Variants in CADM2 observed in about 807,000 individuals in gnomAD.
The protein encoded by CADM2 is immunoglobulin superfamily member 4D.
A neutral mutation model predicts 49.8 loss-of-function variants in CADM2; 12 were observed. The ratio of observed to expected loss-of-function variants is 0.24; its 90% confidence interval spans 0.15 to 0.39. The LOEUF (loss-of-function observed/expected upper bound fraction) is 0.39, where lower values mean the gene tolerates loss of function less well. Among genes scored for constraint, CADM2 ranks in the 10% least tolerant of loss-of-function variants. The pLI, the probability that CADM2 is intolerant of heterozygous loss-of-function variation, is 1.00. For missense variants in CADM2, 378 were observed against 492.3 expected (o/e 0.77, Z 2.20); for synonymous variants, 214 against 175.4 (o/e 1.22, Z -1.74).
chr3:85,647,844 A>G (rs1026677071), intron 1 of CADM2, among the ~76,000 whole-genome samples: 2 of 151,836 alleles, frequency 1.3e-5, no homozygotes, highest in East Asian at 1.9e-4. Context: ...ATTTCTCTAG[A>G]CAACAAAAAT....
intron 5 of CADM2, among the ~76,000 whole-genome samples, chr3:85,888,915 T>C (rs1041557182): frequency 1.3e-5 from 2 of 152,166 alleles, no homozygotes; most frequent in African/African-American, 4.8e-5. Context: ...TATTACTATC[T>C]AACTGTTTTT....
intron 3 of CADM2, among the ~76,000 whole-genome samples, chr3:85,863,969 A>G (rs958510148): frequency 9.2e-5 from 14 of 152,118 alleles, no homozygotes; most frequent in African/African-American, 3.4e-4. Flanking sequence ...TGTGTGGAAT[A>G]TGGAAGGGCT....
chr3:85,166,944 TCAAC>T (rs555428737), intron 1 of CADM2, among the ~76,000 whole-genome samples: 21 of 151,994 alleles, frequency 1.4e-4, no homozygotes, highest in Non-Finnish European at 2.8e-4. Flanking sequence ...AAACAAATGT[TCAAC>T]CAAGAAAAAA....
At chr3:85,016,789 T>C (rs1401600447) in intron 1 of CADM2, among the ~76,000 whole-genome samples, 1 of 144,640 alleles carries the variant, frequency 6.9e-6, no homozygotes, top group African/African-American at 2.7e-5. Context: ...CAAGTCTCCA[T>C]CTAAAAAAAA....
intron 2 of CADM2, among the ~76,000 whole-genome samples, chr3:85,797,223 A>AT (rs1389206339): frequency 1.3e-5 from 2 of 151,860 alleles, no homozygotes; most frequent in Admixed American, 6.6e-5. Flanking sequence ...GAAACTTGTT[A>AT]TTTTTTGGAT....
At chr3:85,476,360 T>C (rs968779415) in intron 1 of CADM2, among the ~76,000 whole-genome samples, 15 of 151,942 alleles carry the variant, frequency 9.9e-5, no homozygotes, top group African/African-American at 3.6e-4. Context: ...TGTTAGAGTT[T>C]AGCACCCCAT....
At chr3:86,052,809 T>C (rs1005004872) in intron 8 of CADM2, among the ~76,000 whole-genome samples, 1 of 152,166 alleles carries the variant, frequency 6.6e-6, no homozygotes, top group Non-Finnish European at 1.5e-5. Flanking sequence ...ATAGAAAGAT[T>C]AATTACTGTT....
intron 1 of CADM2, among the ~76,000 whole-genome samples, chr3:85,113,636 G>GT (rs1217482952): frequency 1.3e-5 from 2 of 149,974 alleles, no homozygotes; most frequent in African/African-American, 4.9e-5. Context: ...ACTTCTAAAT[G>GT]TAATTAAAGC....
chr3:85,080,487 C>T (rs1214493919), intron 1 of CADM2, among the ~76,000 whole-genome samples: 1 of 151,998 alleles, frequency 6.6e-6, no homozygotes, highest in African/African-American at 2.4e-5. Flanking sequence ...ATACATTATA[C>T]ATCATATAAT....
chr3:85,439,110 G>A (rs536452349), intron 1 of CADM2, among the ~76,000 whole-genome samples: 1 of 151,014 alleles, frequency 6.6e-6, no homozygotes, highest in African/African-American at 2.4e-5. Context: ...TATTTTGAAA[G>A]GATAAAAGAA....
intron 1 of CADM2, among the ~76,000 whole-genome samples, chr3:85,157,889 C>G (rs1358332038): frequency 6.6e-6 from 1 of 152,220 alleles, no homozygotes; most frequent in Non-Finnish European, 1.5e-5. Flanking sequence ...AAACTACCAT[C>G]AGAGTGAACA....
At chr3:85,319,190 T>C (rs2107092905) in intron 1 of CADM2, among the ~76,000 whole-genome samples, 1 of 152,324 alleles carries the variant, frequency 6.6e-6, no homozygotes, top group South Asian at 2.1e-4. Flanking sequence ...CCTAATTTTT[T>C]AACCTCTTGA....
At chr3:85,598,897 T>G (rs2063322650) in intron 1 of CADM2, among the ~76,000 whole-genome samples, 1 of 151,794 alleles carries the variant, frequency 6.6e-6, no homozygotes, top group Non-Finnish European at 1.5e-5. Context: ...CACATAGACA[T>G]ATATATCTTT....
intron 1 of CADM2, among the ~76,000 whole-genome samples, chr3:85,555,489 T>C (rs1185249672): frequency 6.6e-6 from 1 of 152,148 alleles, no homozygotes; most frequent in African/African-American, 2.4e-5. Context: ...ATTTCATTGG[T>C]TTAATTTAAA....
chr3:85,533,719 T>G (rs1309028924), intron 1 of CADM2, among the ~76,000 whole-genome samples: 1 of 152,130 alleles, frequency 6.6e-6, no homozygotes, highest in East Asian at 1.9e-4. Context: ...AGTGGAAAGT[T>G]ATTAGCTAGA....
At position 85,257,951 on chromosome 3, in the gene CADM2, G is replaced by A. The variant is rs1350012392; in HGVS notation, c.61+298283G>A. Among the ~76,000 whole-genome samples the A allele has an allele frequency of 6.6e-5, 10 of 152,182 alleles. No individual in the cohort carries two copies. In the East Asian group the frequency reaches 1.9e-3, roughly 29 times the overall value. On this transcript the variant is annotated intron_variant, in intron 1 of 9. Coordinates refer to ENST00000383699, the MANE Select transcript of CADM2 (RefSeq NM_001167675.2). Reference sequence around the variant, plus strand: ...GGGAGAGCTGTTACATCAGTATAATGTCTTTTTCTTAAAATATGAGTGACT... The same window carrying A: ...GGGAGAGCTGTTACATCAGTATAATATCTTTTTCTTAAAATATGAGTGACT...
At chr3:85,124,996 T>C (rs1386568531) in intron 1 of CADM2, among the ~76,000 whole-genome samples, 3 of 152,188 alleles carry the variant, frequency 2.0e-5, no homozygotes, top group Non-Finnish European at 4.4e-5. Context: ...ATTACATGTT[T>C]TCTAAATAAA....
intron 1 of CADM2, among the ~76,000 whole-genome samples, chr3:85,359,666 A>ATATATATATATATATATTTT: frequency 2.5e-3 from 66 of 26,530 alleles, no homozygotes; most frequent in Admixed American, 5.7e-3. Context: ...ATATATATAT[A>ATATATATATATATATATTTT]TTTTTTTTTT....
intron 1 of CADM2, among the ~76,000 whole-genome samples, chr3:85,073,243 G>A (rs1274534923): frequency 1.3e-5 from 2 of 152,082 alleles, no homozygotes; most frequent in African/African-American, 4.8e-5. Context: ...GTGTTGTGCA[G>A]TTTAAGGTGA....
Sources: gnomAD v4.1 joint callset for allele counts (sites outside exome capture counted in the v4.1 genomes callset) on GRCh38, gnomAD v4.1.1 for gene constraint, MANE v1.5 for transcripts, NCBI Gene and HGNC (gene_info 2026-07-23, HGNC 2026-07-21) for gene names.